SIGLEC1: variants seen among roughly 807,000 people sequenced by gnomAD.
The protein encoded by SIGLEC1 is sialic acid binding Ig like lectin 1, also known as sialoadhesin.
Under a neutral mutation model 148.0 loss-of-function variants are expected in SIGLEC1, and 132 were observed. The observed-to-expected ratio is 0.89, with a 90% CI of 0.77 to 1.03. The LOEUF (loss-of-function observed/expected upper bound fraction) is 1.03. Ranked by LOEUF, SIGLEC1 falls within the 50% of genes least tolerant of loss-of-function variation. The pLI, the probability that SIGLEC1 is intolerant of heterozygous loss-of-function variation, is 0.00. For missense variants in SIGLEC1, 2,253 were observed against 2,271.4 expected (o/e 0.99, Z 0.16); for synonymous variants, 945 against 969.0 (o/e 0.98, Z 0.46).
chr20:3,691,291 G>C (rs774865232), intron 18 of SIGLEC1, 49 bp downstream of exon 18: 1 of 1,600,904 alleles, frequency 6.2e-7, no homozygotes, highest in Non-Finnish European at 8.5e-7. Flanking sequence ...ACTGAGGTGG[G>C]CGTGTGAGAT....
chr20:3,689,762 A>G, intron 19 of SIGLEC1, 60 bp from the exon 20 acceptor site: 1 of 1,449,084 alleles, frequency 6.9e-7, no homozygotes, highest in Non-Finnish European at 9.4e-7. Flanking sequence ...GCTTCCTTCC[A>G]AGGGGACCCA....
chr20:3,689,819 A>G (rs371506422), intron 19 of SIGLEC1, 117 bp from the exon 20 acceptor site: 1 of 1,180,534 alleles, frequency 8.5e-7, no homozygotes. Flanking sequence ...GAAGCTCTCC[A>G]CACAAGGGTG....
chr20:3,689,295 C>T, intron 20 of SIGLEC1, 68 bp from the exon 21 acceptor site: 1 of 1,370,938 alleles, frequency 7.3e-7, no homozygotes, highest in Non-Finnish European at 1.0e-6. Context: ...TCCTCTCCCG[C>T]TCCCCACAGG....
At position 3,696,682 on chromosome 20, in the gene SIGLEC1, C is replaced by G. The variant is rs767951441; in HGVS notation, c.2587G>C (p.Val863Leu). The change falls in exon 11 of 22, where the codon GTC becomes CTC. Residue 863 changes from valine to leucine, a missense_variant. Coordinates refer to ENST00000344754, the MANE Select transcript of SIGLEC1 (RefSeq NM_023068.4). ...KAEANSLKLE[V>L]RELGLGDSGS... ...GAGTCCCCAAGGCCCAGTTCTCGGA[C>G]CTCTAACTTCAGGGAGTTGGCCTCA... 1.3e-5 allele frequency: 21 copies of G among 1,613,708 alleles called. 1 individual carries two copies. The South Asian group carries it at 2.3e-4, about 18-fold the overall frequency.
chr20:3,699,271 A>G lies in SIGLEC1; in HGVS notation c.1717T>C (p.Tyr573His), dbSNP rs1413303279. 3 of 1,609,412 alleles carry G rather than the reference A, an allele frequency of 1.9e-6. No individual in the cohort carries two copies. Among genetic ancestry groups the G allele is most frequent in the Non-Finnish European group, 2.5e-6 (3 of 1,178,656 alleles). The change falls in exon 8 of 22, where the codon TAC (tyrosine) becomes CAC (histidine). Residue 573 changes from tyrosine (Y) to histidine (H), a missense_variant. Tyr to His is a moderately conservative substitution (Grantham distance 83). Transcript: ENST00000344754. ...PAASSTDAGS[Y>H]HCRARDGHSA... ...TGGCCGTCCCGGGCCCGGCAGTGGTATGAGCCGGCGTCAGTGCTGGAGGCC... is the reference window on the plus strand; with the variant it reads ...TGGCCGTCCCGGGCCCGGCAGTGGTGTGAGCCGGCGTCAGTGCTGGAGGCC...
Position 3,687,727 on chromosome 20 carries a change from G to T in SIGLEC1, c.*833C>A, listed in dbSNP as rs1399106100. On this transcript the variant is annotated 3_prime_UTR_variant, in exon 22 of 22. Transcript: ENST00000344754. ...GCCTGCTGGTGGCATTCCCAACAATGTCAAAAGTCTCAGGGATGAGCTCAC... is the reference window on the plus strand; with the variant it reads ...GCCTGCTGGTGGCATTCCCAACAATTTCAAAAGTCTCAGGGATGAGCTCAC... 1 of 152,254 alleles carries T rather than the reference G, an allele frequency of 6.6e-6. No individual in the cohort carries two copies. Among genetic ancestry groups the T allele is most frequent in the Non-Finnish European group, 1.5e-5 (1 of 68,056 alleles). 9.4% of individuals were successfully genotyped at this position (152,254 alleles called of 1,614,324 possible). A position where few individuals can be genotyped will look rare whatever the true frequency, so the allele number is the denominator to read the frequency against.
chr20:3,709,447 C>A (rs1282147315), intron 1 of SIGLEC1, among the ~76,000 whole-genome samples: 1 of 152,160 alleles, frequency 6.6e-6, no homozygotes, highest in Non-Finnish European at 1.5e-5. Context: ...GGTGAGGATG[C>A]GAAGTTGAAA....
At chr20:3,695,214 T>C (rs992276454) in intron 11 of SIGLEC1, among the ~76,000 whole-genome samples, 1 of 152,230 alleles carries the variant, frequency 6.6e-6, no homozygotes, top group African/African-American at 2.4e-5. Context: ...ACTGGACTTG[T>C]GTGACCTGTA....
At chr20:3,706,880 T>C (rs1038035694) in intron 2 of SIGLEC1, among the ~76,000 whole-genome samples, 174 bp from the exon 3 acceptor site, 8 of 152,288 alleles carry the variant, frequency 5.3e-5, no homozygotes, top group Admixed American at 2.6e-4. Context: ...GTCAGTCCAC[T>C]GCCCGAGGCT....
chr20:3,706,248 G>C, intron 3 of SIGLEC1, 99 bp downstream of exon 3: 1 of 1,482,472 alleles, frequency 6.7e-7, no homozygotes, highest in Non-Finnish European at 9.1e-7. Flanking sequence ...AGACTGGCTG[G>C]GGTTAGATTC....
chr20:3,706,552 C>G lies in SIGLEC1; in HGVS notation c.204G>C (p.Gln68His), dbSNP rs773838867. ...TGGGGTCCGCCGAGTGGCTCACCAC[C>G]TGCCGCTGGCCCGAGTAGTCGTAGT... The part of the protein sequence containing the change: ...IWYYDYSGQR[Q>H]VVSHSADPKL... The change falls in exon 3 of 22, where the codon CAG becomes CAC. Residue 68 changes from glutamine to histidine, a missense_variant. By Grantham distance (24) the Gln-to-His change is conservative (BLOSUM62 0). Coordinates refer to ENST00000344754, the MANE Select transcript of SIGLEC1 (RefSeq NM_023068.4). The G allele has an allele frequency of 6.2e-6, 10 of 1,612,992 alleles. No individual in the cohort carries two copies. In the East Asian group the frequency reaches 8.9e-5, roughly 14 times the overall value.
intron 14 of SIGLEC1, 45 bp from the exon 15 acceptor site, chr20:3,693,176 G>A: frequency 6.7e-7 from 1 of 1,502,828 alleles, no homozygotes; most frequent in Non-Finnish European, 8.8e-7. Flanking sequence ...GCAGCAGCCT[G>A]CAGGAGGCCA....
In SIGLEC1 at chr20:3,689,218, AC is replaced by A. The variant is rs2088729851; in HGVS notation, c.5006del (p.Arg1669LeufsTer58). 6.2e-7 allele frequency: 1 copy of A among 1,614,040 alleles called. No homozygotes were observed. The highest frequency in any genetic ancestry group is 8.5e-7 in the Non-Finnish European group (1 of 1,179,970). ...TCTCGCCCATGCTCTGCTTACAAAC[AC>A]GCCTCCTTCTGCAAGGCCCGGAGTG... ...LGACYTWRRRRVCKQSMGENS... is the reference protein window; with the variant it reads ...LGACYTWRRRXVCKQSMGENS... On this transcript the variant is annotated frameshift_variant, in exon 21 of 22. Coordinates refer to ENST00000344754, the MANE Select transcript of SIGLEC1 (RefSeq NM_023068.4). LOFTEE classifies it high-confidence loss of function.
intron 1 of SIGLEC1, among the ~76,000 whole-genome samples, chr20:3,711,282 A>C (rs2146534924): frequency 6.6e-6 from 1 of 152,188 alleles, no homozygotes; most frequent in African/African-American, 2.4e-5. Flanking sequence ...CACTCCTACT[A>C]TTGGTATGTG....
At chr20:3,702,996 T>C (rs2087863366) in intron 6 of SIGLEC1, 1 of 589,766 alleles carries the variant, frequency 1.7e-6, no homozygotes, top group East Asian at 2.9e-5. Context: ...TTCATAAGTT[T>C]AAACTTCCAA....
chr20:3,699,475 G>T lies in SIGLEC1; in HGVS notation c.1529-16C>A, dbSNP rs2087832857. On this transcript the variant is annotated splice_polypyrimidine_tract_variant and intron_variant, in intron 7 of 21. Transcript: ENST00000344754. ...AGACGGGCGGCTGCGGGGAGAGGAA[G>T]AGGCTGGGAAGGGTCCCTCCTCTCA... 3 of 1,598,950 alleles carry T rather than the reference G, an allele frequency of 1.9e-6. No individual in the cohort carries two copies. Among genetic ancestry groups the T allele is most frequent in the Non-Finnish European group, 1.7e-6 (2 of 1,173,540 alleles).
chr20:3,690,448 C>T (rs543456004), intron 18 of SIGLEC1, among the ~76,000 whole-genome samples, 184 bp from the exon 19 acceptor site: 3 of 152,358 alleles, frequency 2.0e-5, no homozygotes, highest in African/African-American at 7.2e-5. Context: ...ACTTCAGAGC[C>T]AGACCTCAAG....
chr20:3,697,269 G>T lies in SIGLEC1; in HGVS notation c.2196C>A (p.Ser732Arg), dbSNP rs373726957. ...TAGCAGGGCTGCCAGCAGCTTCCCG[G>T]CTCACGTTGCAAGTCAAGTTGGCTT... The part of the protein sequence containing the change: ...GTEANLTCNV[S>R]REAAGSPANF... Residue 732 changes from serine (S) to arginine (R), a missense_variant, in exon 10 of 22, where the codon AGC becomes AGA. Physicochemically the swap from Ser to Arg is moderately radical, Grantham distance 110 (BLOSUM62 -1). Coordinates refer to ENST00000344754, the MANE Select transcript of SIGLEC1 (RefSeq NM_023068.4). 20 of 1,613,874 alleles carry T rather than the reference G, an allele frequency of 1.2e-5. No homozygotes were observed. The highest frequency in any genetic ancestry group is 1.7e-5 in the Non-Finnish European group (20 of 1,180,034).
Position 3,699,367 on chromosome 20 carries a change from C to T in SIGLEC1, c.1621G>A (p.Ala541Thr). 2 of 1,608,828 alleles carry T rather than the reference C, an allele frequency of 1.2e-6. No homozygotes were observed. The highest frequency in any genetic ancestry group is 1.7e-6 in the Non-Finnish European group (2 of 1,178,386). Residue 541 changes from alanine to threonine, a missense_variant, in exon 8 of 22, where the codon GCC (alanine) becomes ACC (threonine). Coordinates refer to ENST00000344754, the MANE Select transcript of SIGLEC1 (RefSeq NM_023068.4). ...CCATTCAGGTACCAGGAGAAGCGGG[C>T]ATCAGGTGTGGGGCTTAGGCCGCTT... ...CRSGLSPTPD[A>T]RFSWYLNGAL... is the part of the protein sequence containing the mutation.
Sources: gnomAD v4.1 joint callset for allele counts (sites outside exome capture counted in the v4.1 genomes callset) on GRCh38, gnomAD v4.1.1 for gene constraint, MANE v1.5 for transcripts, NCBI Gene and HGNC (gene_info 2026-07-23, HGNC 2026-07-21) for gene names.